PABPC4L: variants seen among roughly 807,000 people sequenced by gnomAD.
PABPC4L encodes the protein polyadenylate-binding protein 4-like.
For synonymous variants in PABPC4L, 169 were observed against 164.1 expected (o/e 1.03, Z -0.23); for missense variants, 452 against 451.4 (o/e 1.00, Z -0.01).
At chr4:133,955,578 A>C in the PABPC4L span, among the ~76,000 whole-genome samples, 1 of 152,314 alleles carries the variant, frequency 6.6e-6, no homozygotes, top group East Asian at 1.9e-4. Context: ...TTAAAAATTT[A>C]AATTTTGAAA....
the PABPC4L span, among the ~76,000 whole-genome samples, chr4:133,968,488 T>G: frequency 0.017 from 2,641 of 152,248 alleles, 74 homozygotes; most frequent in African/African-American, 0.06. Context: ...CAAACATTAC[T>G]GAGCAAAAGT....
the PABPC4L span, among the ~76,000 whole-genome samples, chr4:134,067,958 T>G: frequency 1.3e-5 from 2 of 152,130 alleles, no homozygotes; most frequent in East Asian, 3.9e-4. Flanking sequence ...TATGGTTGCT[T>G]TTAGAGAAAG....
the PABPC4L span, among the ~76,000 whole-genome samples, chr4:134,070,528 A>G: frequency 6.6e-6 from 1 of 151,946 alleles, no homozygotes; most frequent in African/African-American, 2.4e-5. Flanking sequence ...AGTGGGGTGG[A>G]GGGTGAGGTA....
At chr4:133,951,214 T>G in the PABPC4L span, among the ~76,000 whole-genome samples, 1 of 152,198 alleles carries the variant, frequency 6.6e-6, no homozygotes, top group Non-Finnish European at 1.5e-5. Context: ...TAATGGAGCT[T>G]CTTTAAGGTC....
Position 134,200,386 on chromosome 4 carries a change from T to C in PABPC4L, c.634A>G (p.Lys212Glu). The C allele has an allele frequency of 6.4e-7, 1 of 1,569,948 alleles. No individual in the cohort carries two copies. Among genetic ancestry groups the C allele is most frequent in the Non-Finnish European group, 8.6e-7 (1 of 1,156,172 alleles). The part of the protein sequence containing the change: ...DDERLKDVFS[K>E]YGKTLSVKVM... ...TTAACACTCAGAGTTTTGCCATATTTGCTGAAAACGTCCTTCAATCTCTCA... is the reference window on the plus strand; with the variant it reads ...TTAACACTCAGAGTTTTGCCATATTCGCTGAAAACGTCCTTCAATCTCTCA... The change falls in exon 2 of 2, where the codon AAA (lysine) becomes GAA (glutamate). Residue 212 changes from lysine to glutamate, a missense_variant. Transcript: ENST00000421491.
At chr4:134,110,923 A>G in the PABPC4L span, among the ~76,000 whole-genome samples, 1 of 152,002 alleles carries the variant, frequency 6.6e-6, no homozygotes, top group Non-Finnish European at 1.5e-5. Flanking sequence ...CTATATATGT[A>G]TACAAATACG....
chr4:134,123,889 T>C, the PABPC4L span, among the ~76,000 whole-genome samples: 8 of 151,714 alleles, frequency 5.3e-5, no homozygotes, highest in African/African-American at 1.9e-4. Context: ...AGAGCTGCAA[T>C]TGAAAAAAAA....
At chr4:134,111,551 G>A in the PABPC4L span, among the ~76,000 whole-genome samples, 2 of 151,864 alleles carry the variant, frequency 1.3e-5, no homozygotes, top group Middle Eastern at 3.4e-3. Context: ...TAGAGAACCA[G>A]GACTATTGCA....
At chr4:134,171,566 AC>A in the PABPC4L span, among the ~76,000 whole-genome samples, 1,133 of 152,280 alleles carry the variant, frequency 7.4e-3, 14 homozygotes, top group Non-Finnish European at 0.014. Flanking sequence ...CCAACATCAT[AC>A]TAAATGGGCA....
chr4:134,168,392 A>G, the PABPC4L span, among the ~76,000 whole-genome samples: 2 of 151,922 alleles, frequency 1.3e-5, no homozygotes, highest in Admixed American at 6.6e-5. Context: ...CAAACCTCAA[A>G]TTAGTAGAAG....
chr4:133,995,475 A>G, the PABPC4L span, among the ~76,000 whole-genome samples: 2 of 152,156 alleles, frequency 1.3e-5, no homozygotes, highest in African/African-American at 4.8e-5. Context: ...TAGTGTTTTC[A>G]TAAGCCAATT....
the PABPC4L span, among the ~76,000 whole-genome samples, chr4:134,032,874 G>A: frequency 6.6e-6 from 1 of 151,748 alleles, no homozygotes; most frequent in Non-Finnish European, 1.5e-5. Flanking sequence ...TTTATGCTGT[G>A]ACCATTACTG....
chr4:134,146,438 G>T, the PABPC4L span, among the ~76,000 whole-genome samples: 1 of 151,882 alleles, frequency 6.6e-6, no homozygotes, highest in Non-Finnish European at 1.5e-5. Context: ...TTTGGAGAAT[G>T]AGAAAAAATG....
At chr4:134,054,520 A>G in the PABPC4L span, among the ~76,000 whole-genome samples, 3 of 151,546 alleles carry the variant, frequency 2.0e-5, no homozygotes, top group East Asian at 5.8e-4. Context: ...AGCCACATCT[A>G]CTTTTCCTTT....
the PABPC4L span, among the ~76,000 whole-genome samples, chr4:133,981,188 T>C: frequency 6.6e-6 from 1 of 152,056 alleles, no homozygotes; most frequent in Non-Finnish European, 1.5e-5. Flanking sequence ...TAACAAATAT[T>C]TTCAAGATCC....
the PABPC4L span, among the ~76,000 whole-genome samples, chr4:134,172,402 C>G: frequency 6.6e-6 from 1 of 152,012 alleles, no homozygotes; most frequent in Admixed American, 6.6e-5. Flanking sequence ...AGTTGACCAA[C>G]TAGCAATGGG....
the PABPC4L span, among the ~76,000 whole-genome samples, chr4:134,075,523 G>T: frequency 1.3e-5 from 2 of 152,010 alleles, no homozygotes; most frequent in Admixed American, 1.3e-4. Context: ...TTAATTATCT[G>T]AACTATTCTA....
At chr4:134,024,053 A>C in the PABPC4L span, among the ~76,000 whole-genome samples, 1 of 152,184 alleles carries the variant, frequency 6.6e-6, no homozygotes, top group Non-Finnish European at 1.5e-5. Context: ...TGTAAAAGCA[A>C]GTTCTTGCAT....
chr4:133,974,409 A>G, the PABPC4L span, among the ~76,000 whole-genome samples: 1 of 152,140 alleles, frequency 6.6e-6, no homozygotes, highest in African/African-American at 2.4e-5. Context: ...TTAAATTATG[A>G]AATCCTTAGA....
Sources: allele counts gnomAD v4.1 joint callset (sites outside exome capture counted in the v4.1 genomes callset), GRCh38; gene constraint gnomAD v4.1.1; transcripts MANE v1.5; gene names NCBI Gene and HGNC (gene_info 2026-07-23, HGNC 2026-07-21).